The following IRF5 variants were observed in gnomAD, a reference collection of about 807,000 sequenced individuals.
IRF5 encodes interferon regulatory factor 5.
Under a neutral mutation model 55.1 loss-of-function variants are expected in IRF5, and 24 were observed. The ratio of observed to expected loss-of-function variants is 0.44; its 90% CI spans 0.32 to 0.61. The LOEUF (loss-of-function observed/expected upper bound fraction) is 0.61, where lower values mean the gene tolerates loss of function less well. IRF5 is among the 20% of genes least tolerant of loss of function. The pLI is 0.07. For missense variants in IRF5, 499 were observed against 658.5 expected (o/e 0.76, Z 2.65); for synonymous variants, 258 against 260.2 (o/e 0.99, Z 0.08).
intron 1 of IRF5, chr7:128,940,402 G>A (rs1795957419): frequency 6.6e-6 from 1 of 152,310 alleles, no homozygotes; most frequent in African/African-American, 2.4e-5. Flanking sequence ...TGTGCCGCTG[G>A]TGACTGGCAC....
In IRF5 at chr7:128,946,424, G is replaced by A; in HGVS notation, c.386-77G>A. Reference sequence around the variant, plus strand: ...GGCAGAAGCTGCATAGGAGCTACAGGCAGCCTCTCAGGGGATCTTGCTTCT... The same window carrying A: ...GGCAGAAGCTGCATAGGAGCTACAGACAGCCTCTCAGGGGATCTTGCTTCT... On this transcript the variant is annotated intron_variant, in intron 3 of 8. Transcript: ENST00000357234. The surrounding 1 kb of genome is among the most constrained non-coding windows in gnomAD (Gnocchi z 4.2). The A allele has an allele frequency of 6.5e-7, 1 of 1,530,602 alleles. No homozygotes were observed. The highest frequency in any genetic ancestry group is 8.8e-7 in the Non-Finnish European group (1 of 1,130,050). The allele number at this position is 1,530,602 out of a possible 1,614,324, so 94.8% of individuals were successfully genotyped here.
In IRF5 at chr7:128,946,242, T is replaced by G. The variant is rs1796295209; in HGVS notation, c.385+208T>G. On this transcript the variant is annotated intron_variant, in intron 3 of 8. Transcript: ENST00000357234. This position sits in a 1 kb window ranked among gnomAD's most constrained non-coding sequence, Gnocchi z 4.2. ...CTGGCATATCAGGAATGGCTTGGCG[T>G]GCAGTCAGGGACCTGGGTGCTTCTT... 6.6e-6 allele frequency among the ~76,000 whole-genome samples: 1 copy of G among 152,210 alleles called. No homozygotes were observed. The highest frequency in any genetic ancestry group is 2.1e-4 in the South Asian group (1 of 4,832).
Position 128,948,371 on chromosome 7 carries a change from G to A in IRF5, c.1299+43G>A. 2.0e-6 allele frequency: 3 copies of A among 1,516,886 alleles called. No homozygotes were observed. The highest frequency in any genetic ancestry group is 1.4e-5 in the African/African-American group (1 of 71,846). The allele number at this position is 1,516,886 out of a possible 1,614,324, so 94.0% of individuals were successfully genotyped here. A position where few individuals can be genotyped will look rare whatever the true frequency, so the allele number is the denominator to read the frequency against. ...CAAAGTCGGCCTTGGCTTGAAAACT[G>A]GGGAATCCTGGGGCTAGGCCCTTGC... is the stretch of plus-strand genomic sequence containing the variant. On this transcript the variant is annotated intron_variant, in intron 8 of 8. Coordinates refer to ENST00000357234, the MANE Select transcript of IRF5 (RefSeq NM_001098629.3). This position sits in a 1 kb window ranked among gnomAD's most constrained non-coding sequence, Gnocchi z 4.6.
chr7:128,942,654 C>T (rs1029039326), intron 2 of IRF5, among the ~76,000 whole-genome samples: 1 of 152,148 alleles, frequency 6.6e-6, no homozygotes, highest in African/African-American at 2.4e-5. Flanking sequence ...CCTAGAGCAT[C>T]GTGGGGACTG....
intron 2 of IRF5, among the ~76,000 whole-genome samples, chr7:128,943,662 T>C (rs563769310): frequency 5.4e-4 from 77 of 141,754 alleles, no homozygotes; most frequent in Non-Finnish European, 9.5e-4. Flanking sequence ...TGCCTCAGCC[T>C]CCCGAGTAGC....
In IRF5 at chr7:128,946,095, C is replaced by G; in HGVS notation, c.385+61C>G. The G allele has an allele frequency of 1.4e-6, 2 of 1,468,246 alleles. No individual in the cohort carries two copies. The highest frequency in any genetic ancestry group is 2.4e-5 in the Admixed American group (1 of 41,864). 91.0% of individuals were successfully genotyped at this position (1,468,246 alleles called of 1,614,324 possible). On this transcript the variant is annotated intron_variant, in intron 3 of 8. Coordinates refer to ENST00000357234, the MANE Select transcript of IRF5 (RefSeq NM_001098629.3). The surrounding 1 kb of genome is among the most constrained non-coding windows in gnomAD (Gnocchi z 4.2). Reference sequence around the variant, plus strand: ...GCTGTGCAATGTCCTGGCCCCCAGCCATGAGCTCTTGGGTGCAGGCAGGCC... The same window carrying G: ...GCTGTGCAATGTCCTGGCCCCCAGCGATGAGCTCTTGGGTGCAGGCAGGCC...
chr7:128,938,714 G>C (rs1795865476), intron 1 of IRF5, among the ~76,000 whole-genome samples: 1 of 152,182 alleles, frequency 6.6e-6, no homozygotes, highest in Non-Finnish European at 1.5e-5. Context: ...AATAGTTCCT[G>C]GGCTGGTTTC....
intron 2 of IRF5, among the ~76,000 whole-genome samples, chr7:128,943,849 G>A (rs922794078): frequency 5.4e-5 from 8 of 149,270 alleles, no homozygotes; most frequent in Non-Finnish European, 1.2e-4. Flanking sequence ...GATTACAGGC[G>A]TGAGCCACCG....
At chr7:128,940,493 C>T (rs1286947053) in intron 1 of IRF5, 1 of 152,338 alleles carries the variant, frequency 6.6e-6, no homozygotes, top group Non-Finnish European at 1.5e-5. Context: ...ATAAACCACA[C>T]TAAATGCACA....
At position 128,946,474 on chromosome 7, in the gene IRF5, C is replaced by A. The variant is rs2128963496; in HGVS notation, c.386-27C>A. 6.3e-7 allele frequency: 1 copy of A among 1,591,288 alleles called. No individual in the cohort carries two copies. The highest frequency in any genetic ancestry group is 8.6e-7 in the Non-Finnish European group (1 of 1,168,726). On this transcript the variant is annotated intron_variant, in intron 3 of 8. Coordinates refer to ENST00000357234, the MANE Select transcript of IRF5 (RefSeq NM_001098629.3). This position sits in a 1 kb window ranked among gnomAD's most constrained non-coding sequence, Gnocchi z 4.2. ...TCCTCCGACATTGACTCCTTTACTG[C>A]CCTGCTTTTCTCTCCCTGCTGTGCA...
In IRF5 at chr7:128,948,701, G is replaced by A; in HGVS notation, c.1428G>A (p.Glu476=). The A allele has an allele frequency of 6.2e-6, 10 of 1,614,120 alleles. No homozygotes were observed. The highest frequency in any genetic ancestry group is 8.5e-6 in the Non-Finnish European group (10 of 1,180,036). The change falls in exon 9 of 9, where the codon GAG becomes GAA. Residue 476 remains glutamate (E), a synonymous_variant. Coordinates refer to ENST00000357234, the MANE Select transcript of IRF5 (RefSeq NM_001098629.3). The surrounding 1 kb of genome is among the most constrained non-coding windows in gnomAD (Gnocchi z 4.6). ...LKDRMVEQFK[E]LHHIWQSQQR... ...ACCGCATGGTGGAGCAATTCAAGGAGCTCCATCACATCTGGCAGTCCCAGC... is the reference window on the plus strand; with the variant it reads ...ACCGCATGGTGGAGCAATTCAAGGAACTCCATCACATCTGGCAGTCCCAGC...
At position 128,947,344 on chromosome 7, in the gene IRF5, C is replaced by T. The variant is rs753962224; in HGVS notation, c.596C>T (p.Thr199Ile). ...CGGCCGCCTACTCTGCAGCCGCCCA[C>T]TCTGCAGCCGCCCGTGGTGCTGGGT... ...TLRPPTLQPP[T>I]LQPPVVLGPP... is the part of the protein sequence containing the mutation. Residue 199 changes from threonine (T) to isoleucine (I), a missense_variant, in exon 6 of 9, where the codon ACT becomes ATT. Physicochemically the swap from Thr to Ile is moderately conservative, Grantham distance 89 (BLOSUM62 -1). Around this residue, in one of 2 missense-constraint regions of IRF5, gnomAD observed 305 missense variants for 340.2 expected, o/e 0.90. Transcript: ENST00000357234. The surrounding 1 kb of genome is among the most constrained non-coding windows in gnomAD (Gnocchi z 6.5). The T allele has an allele frequency of 1.6e-5, 26 of 1,601,732 alleles. No homozygotes were observed. In the Admixed American group the frequency reaches 3.5e-4, roughly 22 times the overall value.
intron 2 of IRF5, among the ~76,000 whole-genome samples, chr7:128,943,293 A>G (rs926515518): frequency 4.6e-5 from 7 of 150,690 alleles, no homozygotes; most frequent in African/African-American, 1.7e-4. Flanking sequence ...AGCCTCCCAG[A>G]GTGCTGGGAT....
Position 128,949,009 on chromosome 7 carries a change from G to A in IRF5, c.*191G>A. ...GCCTTCCCGGGCCTTTCTCTCCTGG[G>A]CTGTCTCTGGTCTGGTCAGCCTGGC... On this transcript the variant is annotated 3_prime_UTR_variant, in exon 9 of 9. Transcript: ENST00000357234. 2 of 655,330 alleles carry A rather than the reference G, an allele frequency of 3.1e-6. No individual in the cohort carries two copies. The highest frequency in any genetic ancestry group is 4.2e-4 in the Middle Eastern group (1 of 2,392). 40.6% of individuals were successfully genotyped at this position (655,330 alleles called of 1,614,324 possible).
intron 1 of IRF5, among the ~76,000 whole-genome samples, chr7:128,939,444 T>G (rs1585288067): frequency 6.6e-6 from 1 of 151,828 alleles, no homozygotes; most frequent in Non-Finnish European, 1.5e-5. Context: ...GGGCCCAGGG[T>G]GTGGGCAGCT....
At chr7:128,942,767 A>G (rs1563073093) in intron 2 of IRF5, among the ~76,000 whole-genome samples, 1 of 152,164 alleles carries the variant, frequency 6.6e-6, no homozygotes, top group Non-Finnish European at 1.5e-5. Flanking sequence ...ATGCTAAAGG[A>G]AGCCAACGAT....
rs1796319759 is a variant in IRF5, at chr7:128,946,628, G to A, written c.447+66G>A. 1.9e-6 allele frequency: 2 copies of A among 1,077,314 alleles called. No individual in the cohort carries two copies. The highest frequency in any genetic ancestry group is 3.1e-5 in the African/African-American group (2 of 64,500). The allele number at this position is 1,077,314 out of a possible 1,614,324, so 66.7% of individuals were successfully genotyped here. A position where few individuals can be genotyped will look rare whatever the true frequency, so the allele number is the denominator to read the frequency against. ...CTCTCTGCTGTCCCCATCGGCCTTA[G>A]GTTTCCGCAGCCCCACTCCCATGGA... On this transcript the variant is annotated intron_variant, in intron 4 of 8. Coordinates refer to ENST00000357234, the MANE Select transcript of IRF5 (RefSeq NM_001098629.3). This position sits in a 1 kb window ranked among gnomAD's most constrained non-coding sequence, Gnocchi z 4.2.
rs761713287 is a variant in IRF5, at chr7:128,942,095, T to C, written c.14T>C (p.Ile5Thr). Residue 5 changes from isoleucine to threonine, a missense_variant, in exon 2 of 9, where the codon ATC becomes ACC. Around this residue, in one of 2 missense-constraint regions of IRF5, gnomAD observed 305 missense variants for 340.2 expected, o/e 0.90. Coordinates refer to ENST00000357234, the MANE Select transcript of IRF5 (RefSeq NM_001098629.3). ...GACCCCTCTGCCATGAACCAGTCCATCCCAGTGGCTCCCACCCCACCCCGC... is the reference window on the plus strand; with the variant it reads ...GACCCCTCTGCCATGAACCAGTCCACCCCAGTGGCTCCCACCCCACCCCGC... The part of the protein sequence containing the change: MNQS[I>T]PVAPTPPRRV... 1 of 1,608,484 alleles carries C rather than the reference T, an allele frequency of 6.2e-7. No homozygotes were observed. The highest frequency in any genetic ancestry group is 8.5e-7 in the Non-Finnish European group (1 of 1,177,728).
Position 128,946,438 on chromosome 7 carries a change from G to T in IRF5, c.386-63G>T, listed in dbSNP as rs367670808. 1.3e-5 allele frequency: 20 copies of T among 1,553,380 alleles called. No individual in the cohort carries two copies. Among genetic ancestry groups the T allele is most frequent in the Middle Eastern group, 3.3e-4 (2 of 5,998 alleles). ...AGGAGCTACAGGCAGCCTCTCAGGG[G>T]ATCTTGCTTCTCCTCCGACATTGAC... On this transcript the variant is annotated intron_variant, in intron 3 of 8. Coordinates refer to ENST00000357234, the MANE Select transcript of IRF5 (RefSeq NM_001098629.3). The surrounding 1 kb of genome is among the most constrained non-coding windows in gnomAD (Gnocchi z 4.2).
Sources: gnomAD v4.1 joint callset for allele counts (sites outside exome capture counted in the v4.1 genomes callset) on GRCh38, gnomAD v4.1.1 for gene constraint, gnomAD v4.1.1 regional missense constraint, Gnocchi (gnomAD v3.1) non-coding constraint, MANE v1.5 for transcripts, NCBI Gene and HGNC (gene_info 2026-07-23, HGNC 2026-07-21) for gene names.